The following MALRD1 variants were observed in gnomAD, a reference collection of about 807,000 sequenced individuals.
MALRD1 encodes MAM and LDL receptor class A domain containing 1.
MALRD1 carries 247 observed loss-of-function variants against 242.1 expected under a neutral mutation model. The observed-to-expected ratio is 1.02, with a 90% confidence interval of 0.92 to 1.13. The LOEUF is 1.13. MALRD1 is among the 50% of genes most tolerant of loss of function. MALRD1 has a pLI of 0.00. For missense variants in MALRD1, 2,989 were observed against 2,533.1 expected, an observed-to-expected ratio of 1.18 and a Z score of -3.86; for synonymous variants, 995 against 866.6, an observed-to-expected ratio of 1.15 and a Z score of -2.60.
rs186835050 is a variant in MALRD1, at chr10:19,137,736, T to G, written c.1411+955T>G. ...CTTTGATAGAAGTGATGACAAGAGATCCCATTACTATTCAAGCATAGTCAT... is the reference window on the plus strand; with the variant it reads ...CTTTGATAGAAGTGATGACAAGAGAGCCCATTACTATTCAAGCATAGTCAT... On this transcript the variant is annotated intron_variant, in intron 10 of 39. Coordinates refer to ENST00000454679, the MANE Select transcript of MALRD1 (RefSeq NM_001142308.3). 4.5e-4 allele frequency among the ~76,000 whole-genome samples: 68 copies of G among 151,620 alleles called. 1 individual carries two copies. The South Asian group carries it at 0.012, about 27-fold the overall frequency.
At chr10:19,489,189 C>G (rs1455023653) in intron 29 of MALRD1, 4 of 471,930 alleles carry the variant, frequency 8.5e-6, no homozygotes, top group Non-Finnish European at 1.7e-5. Context: ...CCTGCTCCTG[C>G]AAAAGTGCAG....
At chr10:19,094,400 C>T (rs1391163914) in intron 4 of MALRD1, among the ~76,000 whole-genome samples, 2 of 140,188 alleles carry the variant, frequency 1.4e-5, no homozygotes, top group Non-Finnish European at 3.1e-5. Flanking sequence ...AAGGGAACTC[C>T]CTGACCCCTT....
intron 34 of MALRD1, among the ~76,000 whole-genome samples, chr10:19,606,182 T>C (rs1360595751): frequency 4.6e-5 from 7 of 152,118 alleles, no homozygotes; most frequent in African/African-American, 1.7e-4. Flanking sequence ...AAAAAAATAA[T>C]TTATGAAAGA....
chr10:19,056,161 G>T lies in MALRD1; in HGVS notation c.199+7024G>T, dbSNP rs545079108. Reference sequence around the variant, plus strand: ...AGCTTTGTTCTTTTTGCTCCAGATTGTTTTGGCTACTTGGAATCTTTTGTG... The same window carrying T: ...AGCTTTGTTCTTTTTGCTCCAGATTTTTTTGGCTACTTGGAATCTTTTGTG... On this transcript the variant is annotated intron_variant, in intron 1 of 39. Coordinates refer to ENST00000454679, the MANE Select transcript of MALRD1 (RefSeq NM_001142308.3). 5.9e-4 allele frequency among the ~76,000 whole-genome samples: 89 copies of T among 151,966 alleles called. 1 individual carries two copies. The South Asian group carries it at 0.018, about 31-fold the overall frequency.
At chr10:19,238,365 A>T (rs1330850343) in intron 18 of MALRD1, among the ~76,000 whole-genome samples, 1 of 84,532 alleles carries the variant, frequency 1.2e-5, no homozygotes, top group African/African-American at 4.8e-5. Context: ...ATAATACATA[A>T]TATATATTAT....
At chr10:19,697,389 C>T (rs533023184) in intron 38 of MALRD1, among the ~76,000 whole-genome samples, 14 of 151,948 alleles carry the variant, frequency 9.2e-5, no homozygotes, top group East Asian at 3.9e-4. Flanking sequence ...CTTGAGCCCC[C>T]GCCCCCGCCC....
intron 10 of MALRD1, among the ~76,000 whole-genome samples, chr10:19,140,454 T>G (rs1833497310): frequency 6.6e-6 from 1 of 152,156 alleles, no homozygotes; most frequent in South Asian, 2.1e-4. Flanking sequence ...TGCACCCTCA[T>G]GTTCACTGCA....
At chr10:19,562,497 A>G (rs182618684) in intron 32 of MALRD1, among the ~76,000 whole-genome samples, 13 of 152,230 alleles carry the variant, frequency 8.5e-5, no homozygotes, top group African/African-American at 2.9e-4. Context: ...CCAGCAGTTG[A>G]TCAATTACAG....
chr10:19,456,950 C>G (rs56344836), intron 29 of MALRD1, among the ~76,000 whole-genome samples: 22,536 of 151,564 alleles, frequency 0.15, 1,974 homozygotes, highest in African/African-American at 0.25. Context: ...AAAAACAAAA[C>G]AAAACAAAAG....
chr10:19,345,854 G>A (rs188108669), intron 24 of MALRD1, among the ~76,000 whole-genome samples: 27 of 151,788 alleles, frequency 1.8e-4, no homozygotes, highest in Admixed American at 1.8e-3. Context: ...GTGTAATAAA[G>A]TTAGCTTACA....
At chr10:19,672,999 T>C (rs1470393743) in intron 36 of MALRD1, among the ~76,000 whole-genome samples, 2 of 152,174 alleles carry the variant, frequency 1.3e-5, no homozygotes, top group African/African-American at 4.8e-5. Context: ...GGAAATATTA[T>C]TGGAGGTAGT....
At chr10:19,211,243 A>T (rs1003486805) in intron 18 of MALRD1, among the ~76,000 whole-genome samples, 2 of 152,072 alleles carry the variant, frequency 1.3e-5, no homozygotes, top group Non-Finnish European at 2.9e-5. Flanking sequence ...TCAAACATGA[A>T]ACTTGAGGTT....
At chr10:19,500,308 A>G (rs1039150400) in intron 31 of MALRD1, among the ~76,000 whole-genome samples, 20 of 152,356 alleles carry the variant, frequency 1.3e-4, no homozygotes, top group Non-Finnish European at 2.1e-4. Flanking sequence ...GTATACTATA[A>G]GATGAACAGG....
At chr10:19,733,422 G>A (rs913764480) in intron 39 of MALRD1, among the ~76,000 whole-genome samples, 1 of 152,032 alleles carries the variant, frequency 6.6e-6, no homozygotes, top group Non-Finnish European at 1.5e-5. Context: ...GTAACTGCAG[G>A]ATCATCCCTA....
rs1833350204 is a variant in MALRD1 at position 19,136,659 on chromosome 10, C to A, written c.1289C>A (p.Ser430Tyr). 8.1e-7 allele frequency: 1 copy of A among 1,231,688 alleles called. No individual in the cohort carries two copies. The highest frequency in any genetic ancestry group is 1.0e-6 in the Non-Finnish European group (1 of 987,954). The allele number at this position is 1,231,688 out of a possible 1,614,324, so 76.3% of individuals were successfully genotyped here. Residue 430 changes from serine (S) to tyrosine (Y), a missense_variant, in exon 10 of 40, where the codon TCC becomes TAC. Ser to Tyr is a moderately radical substitution (Grantham distance 144, BLOSUM62 -2). Transcript: ENST00000454679. The part of the protein sequence containing the change: ...LWVYACGQTQ[S>Y]RKLCSADEFP... The stretch of plus-strand genomic sequence containing the variant: ...GTCTATGCCTGTGGACAGACCCAAT[C>A]CAGAAAGCTTTGCTCTGCAGACGAA...
At chr10:19,080,740 A>G (rs557901980) in intron 2 of MALRD1, among the ~76,000 whole-genome samples, 8 of 152,246 alleles carry the variant, frequency 5.3e-5, no homozygotes, top group East Asian at 1.9e-4. Flanking sequence ...ACTGAAAGCA[A>G]TAGCACCAAA....
intron 38 of MALRD1, among the ~76,000 whole-genome samples, chr10:19,714,197 C>T (rs1010883128): frequency 2.6e-5 from 4 of 152,138 alleles, no homozygotes; most frequent in African/African-American, 7.2e-5. Context: ...TTGGATCACA[C>T]GTGGGCTTGG....
chr10:19,571,694 G>T (rs905319929), intron 33 of MALRD1, among the ~76,000 whole-genome samples: 1 of 146,376 alleles, frequency 6.8e-6, no homozygotes, highest in East Asian at 1.9e-4. Context: ...AAATTAAATA[G>T]ATTTTTTTCA....
intron 5 of MALRD1, among the ~76,000 whole-genome samples, chr10:19,108,124 A>T (rs1836535830): frequency 6.6e-6 from 1 of 152,192 alleles, no homozygotes; most frequent in East Asian, 1.9e-4. Context: ...AAATTGTATA[A>T]TGCAAAACTT....
Sources: allele counts gnomAD v4.1 joint callset (sites outside exome capture counted in the v4.1 genomes callset), GRCh38; gene constraint gnomAD v4.1.1; transcripts MANE v1.5; gene names NCBI Gene and HGNC (gene_info 2026-07-23, HGNC 2026-07-21).